IGFBP7: variants seen among roughly 807,000 people sequenced by gnomAD.
IGFBP7 encodes insulin like growth factor binding protein 7, also known as insulin-like growth factor-binding protein 7.
A neutral mutation model predicts 29.4 loss-of-function variants in IGFBP7; 31 were observed. The observed-to-expected ratio is 1.05, with a 90% CI of 0.79 to 1.42. The LOEUF is 1.42. Among genes scored for constraint, IGFBP7 ranks in the 40% most tolerant of loss-of-function variants. IGFBP7 has a pLI of 0.00. For missense variants in IGFBP7, 393 were observed against 395.5 expected, an observed-to-expected ratio of 0.99 and a Z score of 0.05; for synonymous variants, 172 against 174.9, an observed-to-expected ratio of 0.98 and a Z score of 0.13.
chr4:57,089,010 C>A (rs1725569325), intron 1 of IGFBP7, among the ~76,000 whole-genome samples: 1 of 121,668 alleles, frequency 8.2e-6, no homozygotes, highest in African/African-American at 2.9e-5. Context: ...CCAGCCTGAG[C>A]AACAGAGTGA....
At chr4:57,066,906 T>A (rs901562715) in intron 1 of IGFBP7, among the ~76,000 whole-genome samples, 1 of 151,900 alleles carries the variant, frequency 6.6e-6, no homozygotes, top group Non-Finnish European at 1.5e-5. Flanking sequence ...TAATACAACA[T>A]CTTTGAACTT....
chr4:57,070,368 C>T (rs1725026931), intron 1 of IGFBP7, among the ~76,000 whole-genome samples: 1 of 152,186 alleles, frequency 6.6e-6, no homozygotes, highest in Admixed American at 6.5e-5. Flanking sequence ...CCCGTCCCTT[C>T]CCCACAACTA....
intron 1 of IGFBP7, among the ~76,000 whole-genome samples, chr4:57,044,177 C>T (rs1312554597): frequency 6.6e-6 from 1 of 152,194 alleles, no homozygotes; most frequent in African/African-American, 2.4e-5. Context: ...CCAAAACCTA[C>T]TTACTTTAAC....
chr4:57,058,591 A>T (rs1713953), intron 1 of IGFBP7, among the ~76,000 whole-genome samples: 96,441 of 152,042 alleles, frequency 0.63, 30,975 homozygotes, highest in East Asian at 0.9. Context: ...ATATGAAAAA[A>T]TTAACTCAAG....
At chr4:57,068,594 G>A (rs1047829186) in intron 1 of IGFBP7, among the ~76,000 whole-genome samples, 6 of 152,084 alleles carry the variant, frequency 3.9e-5, no homozygotes, top group African/African-American at 1.4e-4. Flanking sequence ...ACATACAAAT[G>A]GCAGGATTTT....
At chr4:57,033,814 A>G (rs1226395840) in intron 2 of IGFBP7, among the ~76,000 whole-genome samples, 1 of 152,106 alleles carries the variant, frequency 6.6e-6, no homozygotes, top group Non-Finnish European at 1.5e-5. Context: ...GATTTACTGA[A>G]CACCTAAGAT....
At chr4:57,047,753 A>G (rs1724397436) in intron 1 of IGFBP7, among the ~76,000 whole-genome samples, 1 of 152,152 alleles carries the variant, frequency 6.6e-6, no homozygotes, top group South Asian at 2.1e-4. Flanking sequence ...TTTTCTTTTT[A>G]GAGACTGGGT....
At position 57,095,139 on chromosome 4, in the gene IGFBP7, G is replaced by T. The variant is rs116502046; in HGVS notation, c.475+14738C>A. Among the ~76,000 whole-genome samples, 768 of 152,322 alleles carry T rather than the reference G, an allele frequency of 5.0e-3. 7 individuals carry two copies. Among genetic ancestry groups the T allele is most frequent in the African/African-American group, 0.017 (718 of 41,580 alleles). On this transcript the variant is annotated intron_variant, in intron 1 of 4. Coordinates refer to ENST00000295666, the MANE Select transcript of IGFBP7 (RefSeq NM_001553.3). ...GTGATATGCCTTATGGAAAATACGG[G>T]TGTTAGACAAGCTTCATTCTGGCTT...
At chr4:57,072,301 A>C (rs368544194) in intron 1 of IGFBP7, among the ~76,000 whole-genome samples, 1 of 152,128 alleles carries the variant, frequency 6.6e-6, no homozygotes, top group East Asian at 1.9e-4. Flanking sequence ...CTCCAGCTCC[A>C]TTCATGTTCC....
chr4:57,086,311 G>A (rs1725496352), intron 1 of IGFBP7, among the ~76,000 whole-genome samples: 1 of 152,192 alleles, frequency 6.6e-6, no homozygotes, highest in African/African-American at 2.4e-5. Flanking sequence ...ACAATTCAAT[G>A]TGAGATTTGG....
At position 57,031,447 on chromosome 4, in the gene IGFBP7, G is replaced by C. The variant is rs2109732242; in HGVS notation, c.830-111C>G. 4 of 772,766 alleles carry C rather than the reference G, an allele frequency of 5.2e-6. No individual in the cohort carries two copies. The East Asian group carries it at 1.0e-4, about 19-fold the overall frequency. The allele number at this position is 772,766 out of a possible 1,614,324, so 47.9% of individuals were successfully genotyped here. A position where few individuals can be genotyped will look rare whatever the true frequency, so the allele number is the denominator to read the frequency against. On this transcript the variant is annotated intron_variant, in intron 4 of 4. Coordinates refer to ENST00000295666, the MANE Select transcript of IGFBP7 (RefSeq NM_001553.3). The stretch of plus-strand genomic sequence containing the variant: ...AATAAATGAAGATGTTAAAATATGG[G>C]GATAAAGGATATATGAGTAATTGTA...
At chr4:57,104,560 A>G (rs1336133200) in intron 1 of IGFBP7, among the ~76,000 whole-genome samples, 1 of 152,242 alleles carries the variant, frequency 6.6e-6, no homozygotes, top group Non-Finnish European at 1.5e-5. Flanking sequence ...CATTTAAATG[A>G]TATATTATCA....
At chr4:57,076,224 G>C (rs556907441) in intron 1 of IGFBP7, among the ~76,000 whole-genome samples, 2 of 152,266 alleles carry the variant, frequency 1.3e-5, no homozygotes, top group South Asian at 2.1e-4. Flanking sequence ...ACCTCTCGAA[G>C]GCCTCACCTG....
At chr4:57,057,529 G>A (rs557707055) in intron 1 of IGFBP7, among the ~76,000 whole-genome samples, 2 of 152,220 alleles carry the variant, frequency 1.3e-5, no homozygotes, top group East Asian at 1.9e-4. Context: ...CAGATTTGGC[G>A]CCTCTTCAGA....
intron 1 of IGFBP7, among the ~76,000 whole-genome samples, chr4:57,051,245 A>G (rs1413750592): frequency 6.6e-6 from 1 of 152,244 alleles, no homozygotes; most frequent in Non-Finnish European, 1.5e-5. Flanking sequence ...GGCTAATTAA[A>G]GAGCAGAGCC....
chr4:57,102,278 G>A (rs10004910), intron 1 of IGFBP7, among the ~76,000 whole-genome samples: 68,409 of 151,992 alleles, frequency 0.45, 16,991 homozygotes, highest in Non-Finnish European at 0.57. Flanking sequence ...AGTGGACCCC[G>A]AGGGCAGGCT....
In IGFBP7 at chr4:57,082,486, A is replaced by G. The variant is rs559734524; in HGVS notation, c.475+27391T>C. ...ACCCCAGAATCATTCTAGATCTATG[A>G]GTGTATAGTTTTAAATTTGAATCAA... On this transcript the variant is annotated intron_variant, in intron 1 of 4. Transcript: ENST00000295666. 8.5e-5 allele frequency among the ~76,000 whole-genome samples: 13 copies of G among 152,324 alleles called. No homozygotes were observed. The South Asian group carries it at 2.7e-3, about 32-fold the overall frequency.
rs1285404640 is a variant in IGFBP7 at position 57,032,531 on chromosome 4, CT to C, written c.723del (p.Asp242MetfsTer33). On this transcript the variant is annotated frameshift_variant, in exon 4 of 5. Transcript: ENST00000295666. LOFTEE classifies it high-confidence loss of function. ...GWVLVSPLSKEDAGEYECHAS... is the reference protein window; with the variant it reads ...GWVLVSPLSKXDAGEYECHAS... ...GCATGGCACTCATATTCTCCAGCATCTTCCTTACTTAGAGGAGATACCTGTG... is the reference window on the plus strand; with the variant it reads ...GCATGGCACTCATATTCTCCAGCATCTCCTTACTTAGAGGAGATACCTGTG... The C allele has an allele frequency of 6.2e-7, 1 of 1,613,868 alleles. No individual in the cohort carries two copies. Among genetic ancestry groups the C allele is most frequent in the Admixed American group, 1.7e-5 (1 of 60,014 alleles).
At chr4:57,055,955 G>A (rs1724660518) in intron 1 of IGFBP7, among the ~76,000 whole-genome samples, 1 of 152,092 alleles carries the variant, frequency 6.6e-6, no homozygotes, top group South Asian at 2.1e-4. Flanking sequence ...AGCGCAGGGC[G>A]TGATGGCTGC....
Sources: gnomAD v4.1 joint callset for allele counts (sites outside exome capture counted in the v4.1 genomes callset) on GRCh38, gnomAD v4.1.1 for gene constraint, MANE v1.5 for transcripts, NCBI Gene and HGNC (gene_info 2026-07-23, HGNC 2026-07-21) for gene names.